Variants in ELP4 observed in about 807,000 individuals in gnomAD.
ELP4 encodes elongator acetyltransferase complex subunit 4, also known as elongator complex protein 4.
ELP4 carries 51 observed loss-of-function variants against 48.9 expected under a neutral mutation model. That is an observed-to-expected ratio of 1.04 (90% CI 0.83 to 1.32). ELP4 has a LOEUF of 1.32. Among genes scored for constraint, ELP4 ranks in the 40% most tolerant of loss-of-function variants. ELP4 has a pLI of 0.00. For synonymous variants in ELP4, 210 were observed against 189.2 expected, an observed-to-expected ratio of 1.11 and a Z score of -0.90; for missense variants, 519 against 514.6, an observed-to-expected ratio of 1.01 and a Z score of -0.08.
chr11:31,788,196 C>T lies in ELP4; in HGVS notation c.*4672C>T. 1 of 226,604 alleles carries T rather than the reference C, an allele frequency of 4.4e-6. No individual in the cohort carries two copies. The highest frequency in any genetic ancestry group is 8.8e-6 in the Non-Finnish European group (1 of 113,806). The allele number at this position is 226,604 out of a possible 1,614,324, so 14.0% of individuals were successfully genotyped here. A position where few individuals can be genotyped will look rare whatever the true frequency, so the allele number is the denominator to read the frequency against. ...CAGAACTGTGCTTCATTGCAAATAA[C>T]AACTGACCAACAATGGGCCCTGCTT... On this transcript the variant is annotated 3_prime_UTR_variant, in exon 10 of 10. Transcript: ENST00000640961.
At chr11:31,723,172 G>T (rs534177063) in intron 9 of ELP4, among the ~76,000 whole-genome samples, 1 of 152,078 alleles carries the variant, frequency 6.6e-6, no homozygotes, top group Non-Finnish European at 1.5e-5. Context: ...CCTCATCTAG[G>T]CCCTGAATGA....
intron 9 of ELP4, among the ~76,000 whole-genome samples, chr11:31,677,122 A>G (rs1324140932): frequency 6.6e-6 from 1 of 152,228 alleles, no homozygotes; most frequent in African/African-American, 2.4e-5. Context: ...TGTCAAATTG[A>G]TGAGAACAAA....
intron 4 of ELP4, among the ~76,000 whole-genome samples, chr11:31,601,874 C>G (rs1335994991): frequency 6.6e-6 from 1 of 151,996 alleles, no homozygotes; most frequent in Non-Finnish European, 1.5e-5. Flanking sequence ...ATAGACCAAG[C>G]TTTTATTGCA....
intron 9 of ELP4, among the ~76,000 whole-genome samples, chr11:31,768,509 A>G (rs1948082591): frequency 6.6e-6 from 1 of 152,250 alleles, no homozygotes; most frequent in Admixed American, 6.5e-5. Context: ...CTAATACAAT[A>G]TGACAAAAAT....
intron 9 of ELP4, among the ~76,000 whole-genome samples, chr11:31,677,542 T>C (rs983191722): frequency 6.6e-5 from 10 of 152,202 alleles, no homozygotes; most frequent in African/African-American, 2.4e-4. Context: ...CTTTATATTA[T>C]GTAGTACATT....
chr11:31,742,963 A>G (rs556066303), intron 9 of ELP4, among the ~76,000 whole-genome samples: 1 of 152,352 alleles, frequency 6.6e-6, no homozygotes, highest in Admixed American at 6.5e-5. Context: ...GGCAAAATGG[A>G]TAAAGAGTCA....
chr11:31,581,958 T>G (rs1025267304), intron 3 of ELP4, among the ~76,000 whole-genome samples: 1 of 152,164 alleles, frequency 6.6e-6, no homozygotes, highest in Non-Finnish European at 1.5e-5. Context: ...CTCACTGTTT[T>G]GCCCAGGCTG....
At chr11:31,776,094 T>C (rs1290678136) in intron 9 of ELP4, among the ~76,000 whole-genome samples, 3 of 140,784 alleles carry the variant, frequency 2.1e-5, no homozygotes, top group Non-Finnish European at 3.0e-5. Flanking sequence ...AAGGCTGCAG[T>C]GAGCTGTGAT....
chr11:31,776,058 G>A (rs888587569), intron 9 of ELP4, among the ~76,000 whole-genome samples: 1 of 151,666 alleles, frequency 6.6e-6, no homozygotes, highest in African/African-American at 2.4e-5. Flanking sequence ...GGAGAAGATG[G>A]GAGGGTGGCT....
At chr11:31,619,912 A>T (rs1944582985) in intron 5 of ELP4, among the ~76,000 whole-genome samples, 1 of 151,934 alleles carries the variant, frequency 6.6e-6, no homozygotes, top group African/African-American at 2.4e-5. Context: ...GTTGCATATT[A>T]GAGCTCAACA....
At chr11:31,728,746 G>A (rs1947126902) in intron 9 of ELP4, among the ~76,000 whole-genome samples, 1 of 152,114 alleles carries the variant, frequency 6.6e-6, no homozygotes, top group Non-Finnish European at 1.5e-5. Context: ...CAAGATATTT[G>A]TTATATAAAT....
chr11:31,531,296 A>G (rs1019998485), intron 2 of ELP4, among the ~76,000 whole-genome samples: 12 of 152,238 alleles, frequency 7.9e-5, no homozygotes, highest in African/African-American at 2.7e-4. Flanking sequence ...TTTTTCCTCT[A>G]ATTAATTCTA....
chr11:31,647,890 G>C, intron 8 of ELP4, 41 bp downstream of exon 8: 1 of 1,208,826 alleles, frequency 8.3e-7, no homozygotes, highest in Non-Finnish European at 1.2e-6. Context: ...GGAGCAGGCT[G>C]CTTCTAGGTT....
chr11:31,582,444 CTGTT>C (rs1384735046), intron 3 of ELP4, among the ~76,000 whole-genome samples: 1 of 150,610 alleles, frequency 6.6e-6, no homozygotes, highest in African/African-American at 2.4e-5. Context: ...TTTCTGCACA[CTGTT>C]TTTTTCCAGA....
chr11:31,787,231 C>T lies in ELP4; in HGVS notation c.*3707C>T, dbSNP rs1163613431. ...GGCTTCTGCAGCTGAGCAGCCGCTT[C>T]TTCAGACTATACCAGACTGTGCTAC... On this transcript the variant is annotated 3_prime_UTR_variant, in exon 10 of 10. Transcript: ENST00000640961. 1.3e-5 allele frequency: 3 copies of T among 232,814 alleles called. No homozygotes were observed. Among genetic ancestry groups the T allele is most frequent in the Non-Finnish European group, 2.5e-5 (3 of 117,864 alleles). The allele number at this position is 232,814 out of a possible 1,614,324, so 14.4% of individuals were successfully genotyped here.
chr11:31,591,247 A>C (rs1957564571), intron 3 of ELP4, among the ~76,000 whole-genome samples: 1 of 151,872 alleles, frequency 6.6e-6, no homozygotes, highest in Admixed American at 6.6e-5. Context: ...TCCACTAAAA[A>C]TACAAAAAAT....
chr11:31,740,785 A>G (rs1316724031), intron 9 of ELP4, among the ~76,000 whole-genome samples: 2 of 152,234 alleles, frequency 1.3e-5, no homozygotes, highest in Admixed American at 1.3e-4. Flanking sequence ...GAATAGGAAC[A>G]GCTCCGGTCT....
At chr11:31,750,159 C>T (rs1407530301) in intron 9 of ELP4, among the ~76,000 whole-genome samples, 4 of 152,106 alleles carry the variant, frequency 2.6e-5, no homozygotes, top group Admixed American at 6.6e-5. Flanking sequence ...CCACCACGCC[C>T]GGCCAACTTT....
intron 9 of ELP4, among the ~76,000 whole-genome samples, chr11:31,734,688 A>G (rs928467586): frequency 2.0e-5 from 3 of 152,236 alleles, no homozygotes; most frequent in Non-Finnish European, 4.4e-5. Context: ...TGAAAACTAT[A>G]AAACACTGCT....
Sources: gnomAD v4.1 joint callset for allele counts (sites outside exome capture counted in the v4.1 genomes callset) on GRCh38, gnomAD v4.1.1 for gene constraint, MANE v1.5 for transcripts, NCBI Gene and HGNC (gene_info 2026-07-23, HGNC 2026-07-21) for gene names.